Variants in ANK1 observed in about 807,000 individuals in gnomAD.
ANK1 encodes ankyrin-1.
In ANK1, 51 loss-of-function variants were observed where a neutral mutation model predicts 210.4. The ratio of observed to expected loss-of-function variants is 0.24; its 90% CI spans 0.19 to 0.31. ANK1 has a LOEUF of 0.31. ANK1 is among the 10% of genes least tolerant of loss of function. ANK1 has a pLI of 1.00. For missense variants in ANK1, 2,051 were observed against 2,504.4 expected, an observed-to-expected ratio of 0.82 and a Z score of 3.86; for synonymous variants, 967 against 1,025.9, an observed-to-expected ratio of 0.94 and a Z score of 1.10.
At chr8:41,759,862 GCA>G (rs1359492713) in intron 1 of ANK1, among the ~76,000 whole-genome samples, 2 of 152,176 alleles carry the variant, frequency 1.3e-5, no homozygotes, top group Non-Finnish European at 2.9e-5. Context: ...GTGGGCTGAG[GCA>G]CAGAGAGCAG....
intron 26 of ANK1, among the ~76,000 whole-genome samples, chr8:41,695,768 G>A (rs532870347): frequency 3.3e-4 from 50 of 152,382 alleles, no homozygotes; most frequent in African/African-American, 1.1e-3. Flanking sequence ...ACCGCTCTGA[G>A]GGGCCAGGAG....
At chr8:41,857,965 T>C (rs1015848337) in intron 1 of ANK1, among the ~76,000 whole-genome samples, 3 of 151,542 alleles carry the variant, frequency 2.0e-5, no homozygotes, top group Non-Finnish European at 4.4e-5. Context: ...TAGTAGCTCA[T>C]GCCTGTAATC....
At chr8:41,824,853 G>A (rs1805085484) in intron 1 of ANK1, among the ~76,000 whole-genome samples, 1 of 152,200 alleles carries the variant, frequency 6.6e-6, no homozygotes, top group South Asian at 2.1e-4. Context: ...GAAGGCAGGG[G>A]GTGTGGAGGG....
At chr8:41,726,005 C>A in intron 5 of ANK1, 59 bp from the exon 6 acceptor site, 2 of 1,572,154 alleles carry the variant, frequency 1.3e-6, no homozygotes, top group Non-Finnish European at 8.6e-7. Flanking sequence ...GCCCTTCACA[C>A]GGGACACACC....
intron 1 of ANK1, among the ~76,000 whole-genome samples, chr8:41,850,440 G>A (rs1180370882): frequency 6.6e-6 from 1 of 152,078 alleles, no homozygotes; most frequent in African/African-American, 2.4e-5. Flanking sequence ...ATGAGCACCT[G>A]GCAGATGTTC....
chr8:41,786,215 T>C (rs1846356343), intron 1 of ANK1, among the ~76,000 whole-genome samples: 1 of 152,200 alleles, frequency 6.6e-6, no homozygotes. Flanking sequence ...AGCTCGCGTC[T>C]TGCCAGGGGC....
chr8:41,790,690 A>C (rs966296342), intron 1 of ANK1, among the ~76,000 whole-genome samples: 4 of 152,196 alleles, frequency 2.6e-5, no homozygotes, highest in Admixed American at 6.5e-5. Context: ...CTTTAAATGC[A>C]TGCAATTAAT....
At chr8:41,673,229 AT>A (rs1813050569) in intron 37 of ANK1, among the ~76,000 whole-genome samples, 1 of 152,148 alleles carries the variant, frequency 6.6e-6, no homozygotes, top group Non-Finnish European at 1.5e-5. Flanking sequence ...AGAGCACTAG[AT>A]AAAGAAGCCT....
At chr8:41,663,809 C>T (rs934706462) in intron 39 of ANK1, 67 bp from the exon 40 acceptor site, 167 of 1,329,008 alleles carry the variant, frequency 1.3e-4, no homozygotes, top group Non-Finnish European at 5.1e-5. Context: ...GGGTGGAGGA[C>T]GAGGAAATGA....
At position 41,677,929 on chromosome 8, in the gene ANK1, C is replaced by T. The variant is rs78649238; in HGVS notation, c.4538-5017G>A. Among the ~76,000 whole-genome samples, 442 of 152,172 alleles carry T rather than the reference C, an allele frequency of 2.9e-3. 1 individual carries two copies. Among genetic ancestry groups the T allele is most frequent in the Non-Finnish European group, 4.5e-3 (307 of 67,992 alleles). On this transcript the variant is annotated intron_variant, in intron 37 of 42. Transcript: ENST00000289734. ...TTCTAATAAGAAATCTGATGTGAAT[C>T]TTATTTTGGTTCCCTTGTACATAAC...
chr8:41,885,140 T>C (rs1428865739), intron 1 of ANK1, among the ~76,000 whole-genome samples: 2 of 151,858 alleles, frequency 1.3e-5, no homozygotes, highest in Non-Finnish European at 2.9e-5. Flanking sequence ...AGGGATGCAA[T>C]GGAGACTCCA....
At chr8:41,799,903 T>C (rs1849599069), upstream of ANK1, among the ~76,000 whole-genome samples, 1 of 152,032 alleles carries the variant, frequency 6.6e-6, no homozygotes, top group Non-Finnish European at 1.5e-5. Context: ...GACCCTCAAA[T>C]TCACCCCTGG....
chr8:41,687,257 G>A (rs1205830223), intron 35 of ANK1, among the ~76,000 whole-genome samples: 3 of 152,236 alleles, frequency 2.0e-5, no homozygotes, highest in South Asian at 2.1e-4. Flanking sequence ...CAGAAATACG[G>A]TTATAATTAA....
intron 1 of ANK1, among the ~76,000 whole-genome samples, chr8:41,784,880 T>C (rs1846037214): frequency 6.6e-6 from 1 of 152,264 alleles, no homozygotes; most frequent in Non-Finnish European, 1.5e-5. Context: ...CTTGAAGGAA[T>C]GGGCAAAGCA....
intron 35 of ANK1, among the ~76,000 whole-genome samples, chr8:41,687,367 T>C (rs1050166364): frequency 6.6e-6 from 1 of 152,048 alleles, no homozygotes; most frequent in Non-Finnish European, 1.5e-5. Flanking sequence ...AAAGACAGGG[T>C]TTCTGACATT....
At chr8:41,888,116 G>A (rs1818774133) in intron 1 of ANK1, among the ~76,000 whole-genome samples, 1 of 152,210 alleles carries the variant, frequency 6.6e-6, no homozygotes, top group South Asian at 2.1e-4. Context: ...AGCTGCCCCT[G>A]CTATCGAAGA....
intron 1 of ANK1, chr8:41,828,859 G>A (rs1806012817): frequency 6.6e-6 from 1 of 152,222 alleles, no homozygotes; most frequent in Non-Finnish European, 1.5e-5. Flanking sequence ...TTCTTCCCGC[G>A]AATCCCGAAA....
At chr8:41,724,427 C>CA (rs1563571366) in intron 7 of ANK1, 29 bp downstream of exon 7, 1 of 1,534,748 alleles carries the variant, frequency 6.5e-7, no homozygotes. Context: ...AGCCCCCGGA[C>CA]AGTGAGGGCG....
intron 1 of ANK1, among the ~76,000 whole-genome samples, chr8:41,835,067 TTAGGAATTAGGTCAGAGCAGC>T (rs1443494805): frequency 6.6e-6 from 1 of 152,214 alleles, no homozygotes; most frequent in Non-Finnish European, 1.5e-5. Context: ...GAGATGGCGC[TTAGGAATTAGGTCAGAGCAGC>T]TACAAGGGGC....
Sources: allele counts gnomAD v4.1 joint callset (sites outside exome capture counted in the v4.1 genomes callset), GRCh38; gene constraint gnomAD v4.1.1; transcripts MANE v1.5; gene names NCBI Gene and HGNC (gene_info 2026-07-23, HGNC 2026-07-21).